DNMBP: variants seen among roughly 807,000 people sequenced by gnomAD.
DNMBP encodes dynamin binding protein, also known as dynamin-binding protein.
In DNMBP, 87 loss-of-function variants were observed where a neutral mutation model predicts 150.0. The ratio of observed to expected loss-of-function variants is 0.58; its 90% CI spans 0.49 to 0.69. DNMBP has a LOEUF of 0.69. Among genes scored for constraint, DNMBP ranks in the 30% least tolerant of loss-of-function variants. The pLI is 0.00. For missense variants in DNMBP, 1,774 were observed against 1,949.0 expected (o/e 0.91, Z 1.69); for synonymous variants, 711 against 750.4 (o/e 0.95, Z 0.86).
At chr10:99,971,028 A>G (rs1388778072) in intron 2 of DNMBP, among the ~76,000 whole-genome samples, 2 of 150,284 alleles carry the variant, frequency 1.3e-5, no homozygotes, top group Non-Finnish European at 3.0e-5. Flanking sequence ...CAGGGTTATG[A>G]AGAAAGGAAT....
chr10:99,937,445 A>T (rs150349403), intron 4 of DNMBP, among the ~76,000 whole-genome samples: 98 of 152,328 alleles, frequency 6.4e-4, no homozygotes, highest in African/African-American at 2.3e-3. Flanking sequence ...TGCGAGTGTG[A>T]ATAACCTGTC....
chr10:99,911,832 G>A (rs907878718), intron 4 of DNMBP, among the ~76,000 whole-genome samples: 6 of 152,174 alleles, frequency 3.9e-5, no homozygotes, highest in African/African-American at 1.4e-4. Flanking sequence ...TAAATTCATT[G>A]TGTTACATAT....
In DNMBP at chr10:99,986,549, C is replaced by T. The variant is rs931915770; in HGVS notation, c.-10-14415G>A. Reference sequence around the variant, plus strand: ...AAAACTGCAAGGCGTGAGCTGAGATCGTGCCACTGTACTCCAGCCTGGGAG... The same window carrying T: ...AAAACTGCAAGGCGTGAGCTGAGATTGTGCCACTGTACTCCAGCCTGGGAG... On this transcript the variant is annotated intron_variant, in intron 1 of 16. Transcript: ENST00000324109. Among the ~76,000 whole-genome samples, 5 of 134,554 alleles carry T rather than the reference C, an allele frequency of 3.7e-5. No individual in the cohort carries two copies. The East Asian group carries it at 7.2e-4, about 19-fold the overall frequency. 88.3% of individuals were successfully genotyped at this position (134,554 alleles called of 152,430 possible).
chr10:99,997,191 T>A (rs544487714), intron 1 of DNMBP, among the ~76,000 whole-genome samples: 1 of 152,258 alleles, frequency 6.6e-6, no homozygotes, highest in African/African-American at 2.4e-5. Context: ...AAGGAGTTTC[T>A]GGCACTCAGC....
chr10:99,986,552 G>A (rs2040828932), intron 1 of DNMBP, among the ~76,000 whole-genome samples: 1 of 131,942 alleles, frequency 7.6e-6, no homozygotes, highest in Admixed American at 9.0e-5. Flanking sequence ...CTGAGATCGT[G>A]CCACTGTACT....
chr10:99,966,423 C>T (rs1354220875), intron 3 of DNMBP, among the ~76,000 whole-genome samples: 1 of 152,204 alleles, frequency 6.6e-6, no homozygotes, highest in African/African-American at 2.4e-5. Context: ...CAGGTCCTGG[C>T]CTGACCTTGA....
chr10:99,991,720 C>A (rs2040893694), intron 1 of DNMBP, among the ~76,000 whole-genome samples: 1 of 151,692 alleles, frequency 6.6e-6, no homozygotes, highest in East Asian at 2.0e-4. Flanking sequence ...TCCTGGCTAA[C>A]ATGGTGAAAC....
chr10:99,930,753 G>C (rs1449948831), intron 4 of DNMBP: 8 of 669,268 alleles, frequency 1.2e-5, no homozygotes, highest in South Asian at 8.3e-5. Flanking sequence ...AGCCTTCTGG[G>C]TTTCACACAT....
At chr10:99,938,306 G>A (rs1225233797) in intron 4 of DNMBP, among the ~76,000 whole-genome samples, 1 of 152,228 alleles carries the variant, frequency 6.6e-6, no homozygotes, top group Non-Finnish European at 1.5e-5. Flanking sequence ...CACTTTGGGA[G>A]GCCAAGGTGG....
At chr10:99,933,463 A>G (rs1264921823) in intron 4 of DNMBP, among the ~76,000 whole-genome samples, 1 of 152,252 alleles carries the variant, frequency 6.6e-6, no homozygotes, top group Non-Finnish European at 1.5e-5. Context: ...GCTTATCAAA[A>G]CAGTTACCCT....
At chr10:99,906,597 C>T (rs2039828583) in intron 6 of DNMBP, among the ~76,000 whole-genome samples, 2 of 152,184 alleles carry the variant, frequency 1.3e-5, no homozygotes, top group African/African-American at 2.4e-5. Context: ...CTGTCTCTCG[C>T]TCTCTCTCAC....
At chr10:99,986,796 A>G (rs77260779) in intron 1 of DNMBP, among the ~76,000 whole-genome samples, 2,518 of 152,188 alleles carry the variant, frequency 0.017, 38 homozygotes, top group African/African-American at 0.037. Context: ...AAAACAGTCT[A>G]TGACTCTTGA....
intron 14 of DNMBP, 83 bp downstream of exon 14, chr10:99,885,604 T>C (rs368503412): frequency 2.4e-6 from 3 of 1,237,176 alleles, no homozygotes; most frequent in East Asian, 5.1e-5. Context: ...ACTCCAATAG[T>C]GGGATCTGGG....
rs117527903 is a variant in DNMBP at position 99,964,413 on chromosome 10, C to T, written c.268+4702G>A. On this transcript the variant is annotated intron_variant, in intron 3 of 16. Transcript: ENST00000324109. ...CTGGGATTACAGGCGTGAGCCACTG[C>T]GCCCAGCCTCCTTGCACTAATCTCT... Among the ~76,000 whole-genome samples, 176 of 151,564 alleles carry T rather than the reference C, an allele frequency of 1.2e-3. 4 individuals are homozygous for T. The East Asian group carries it at 0.031, about 27-fold the overall frequency.
rs10654940 is a variant in DNMBP, at chr10:99,915,108, A to AAAAATATATATAT, written c.2261-5963_2261-5962insATATATATATTTT. Among the ~76,000 whole-genome samples, 167 of 99,720 alleles carry AAAAATATATATAT rather than the reference A, an allele frequency of 1.7e-3. 1 individual carries two copies. The highest frequency in any genetic ancestry group is 4.9e-3 in the African/African-American group (111 of 22,620). 65.4% of individuals were successfully genotyped at this position (99,720 alleles called of 152,430 possible). A position where few individuals can be genotyped will look rare whatever the true frequency, so the allele number is the denominator to read the frequency against. On this transcript the variant is annotated intron_variant, in intron 4 of 16. Transcript: ENST00000324109. The stretch of plus-strand genomic sequence containing the variant: ...AAACTCTGTCTCAAAAAAAAAAAAA[A>AAAAATATATATAT]ATATATATATATATATATATACACA...
chr10:99,897,927 T>C lies in DNMBP; in HGVS notation c.2920+159A>G, dbSNP rs547511243. 7 of 649,782 alleles carry C rather than the reference T, an allele frequency of 1.1e-5. No homozygotes were observed. The Admixed American group carries it at 1.4e-4, about 13-fold the overall frequency. The allele number at this position is 649,782 out of a possible 1,614,324, so 40.3% of individuals were successfully genotyped here. The stretch of plus-strand genomic sequence containing the variant: ...GACTCTGTCTCAAAAAAAATAATAA[T>C]AAAATATCATATTTCCCCCAAATTC... On this transcript the variant is annotated intron_variant, in intron 9 of 16. Transcript: ENST00000324109.
chr10:99,894,401 G>A (rs915897689), intron 11 of DNMBP, among the ~76,000 whole-genome samples: 3 of 152,186 alleles, frequency 2.0e-5, no homozygotes, highest in Non-Finnish European at 4.4e-5. Context: ...ATTGCTTGAG[G>A]CAAGGAAAGA....
chr10:99,891,811 G>A (rs1414487031), intron 11 of DNMBP, among the ~76,000 whole-genome samples: 4 of 149,746 alleles, frequency 2.7e-5, no homozygotes, highest in East Asian at 2.0e-4. Context: ...CGTGGGGAGC[G>A]CCTCTGCCCC....
At chr10:99,971,265 C>A (rs1362842773) in intron 2 of DNMBP, among the ~76,000 whole-genome samples, 1 of 152,084 alleles carries the variant, frequency 6.6e-6, no homozygotes, top group Non-Finnish European at 1.5e-5. Flanking sequence ...CAAAAGGATT[C>A]TGAAATTTAT....
Sources: gnomAD v4.1 joint callset for allele counts (sites outside exome capture counted in the v4.1 genomes callset) on GRCh38, gnomAD v4.1.1 for gene constraint, MANE v1.5 for transcripts, NCBI Gene and HGNC (gene_info 2026-07-23, HGNC 2026-07-21) for gene names.